Variants in SEMA3C observed in about 807,000 individuals in gnomAD.
SEMA3C encodes semaphorin 3C, also known as semaphorin-3C.
A neutral mutation model predicts 89.4 loss-of-function variants in SEMA3C; 47 were observed. The observed-to-expected ratio is 0.53, with a 90% CI of 0.42 to 0.67. The LOEUF (loss-of-function observed/expected upper bound fraction) is 0.67, where lower values mean the gene tolerates loss of function less well. SEMA3C is among the 30% of genes least tolerant of loss of function. The pLI, the probability that SEMA3C is intolerant of heterozygous loss-of-function variation, is 0.00. For missense variants in SEMA3C, 839 were observed against 929.1 expected (o/e 0.90, Z 1.26); for synonymous variants, 310 against 320.2 (o/e 0.97, Z 0.34).
At chr7:80,783,241 AT>A (rs1251620439) in intron 12 of SEMA3C, among the ~76,000 whole-genome samples, 1 of 152,104 alleles carries the variant, frequency 6.6e-6, no homozygotes, top group Non-Finnish European at 1.5e-5. Flanking sequence ...CTAGATTAGC[AT>A]TCACTCAGGG....
At chr7:80,795,527 C>A (rs1789041930) in intron 11 of SEMA3C, among the ~76,000 whole-genome samples, 1 of 152,168 alleles carries the variant, frequency 6.6e-6, no homozygotes, top group Admixed American at 6.5e-5. Context: ...CTCTACACTG[C>A]TTTGGAACAG....
At chr7:80,910,590 T>C (rs1427450487) in intron 2 of SEMA3C, among the ~76,000 whole-genome samples, 3 of 151,634 alleles carry the variant, frequency 2.0e-5, no homozygotes, top group South Asian at 2.1e-4. Context: ...TAAATGAAAA[T>C]GCAGAAGGCA....
intron 2 of SEMA3C, among the ~76,000 whole-genome samples, chr7:80,844,151 C>T (rs188142177): frequency 1.5e-3 from 235 of 152,168 alleles, no homozygotes; most frequent in African/African-American, 5.3e-3. Flanking sequence ...ACTTGGTCTC[C>T]ATCACTTTTC....
intron 4 of SEMA3C, among the ~76,000 whole-genome samples, chr7:80,818,734 T>C (rs920322676): frequency 1.3e-5 from 2 of 152,228 alleles, no homozygotes; most frequent in African/African-American, 2.4e-5. Flanking sequence ...CATTCAAAGC[T>C]GTCCTGGGTT....
At chr7:80,758,610 T>C (rs1788119415) in intron 14 of SEMA3C, 122 bp from the exon 15 acceptor site, 1 of 1,005,846 alleles carries the variant, frequency 9.9e-7, no homozygotes, top group Non-Finnish European at 1.5e-6. Context: ...ATTAAAAACA[T>C]GAAGCAAAGC....
chr7:80,747,613 C>T (rs1259740630), intron 17 of SEMA3C, among the ~76,000 whole-genome samples: 1 of 152,074 alleles, frequency 6.6e-6, no homozygotes, highest in Non-Finnish European at 1.5e-5. Context: ...TAATCCATAT[C>T]CATTCAAAAT....
upstream of SEMA3C, chr7:80,919,499 C>G (rs1452128070): frequency 6.6e-6 from 3 of 454,344 alleles, no homozygotes; most frequent in Non-Finnish European, 5.8e-6. Context: ...ATCACTGCAG[C>G]CTTTTAAGGC....
intron 4 of SEMA3C, among the ~76,000 whole-genome samples, chr7:80,824,884 C>T (rs554199159): frequency 1.3e-5 from 2 of 152,174 alleles, no homozygotes; most frequent in Non-Finnish European, 2.9e-5. Context: ...TGGCGTGTTC[C>T]ATTAAATGTT....
At position 80,744,985 on chromosome 7, in the gene SEMA3C, G is replaced by A; in HGVS notation, c.2165C>T (p.Ser722Leu). The A allele has an allele frequency of 6.2e-7, 1 of 1,614,048 alleles. No individual in the cohort carries two copies. The highest frequency in any genetic ancestry group is 1.6e-4 in the Middle Eastern group (1 of 6,062). ...TRQQHQQGDE[S>L]QKMRGDYGKL... ...GCCATAGTCCCCTCTCATTTTCTGTGATTCATCTCCCTGCTGATGTTGCTG... is the reference window on the plus strand; with the variant it reads ...GCCATAGTCCCCTCTCATTTTCTGTAATTCATCTCCCTGCTGATGTTGCTG... The change falls in exon 18 of 18, where the codon TCA becomes TTA. Residue 722 changes from serine to leucine, a missense_variant. By Grantham distance (145) the Ser-to-Leu change is moderately radical. Transcript: ENST00000265361.
intron 9 of SEMA3C, among the ~76,000 whole-genome samples, chr7:80,801,725 C>T (rs1287863523): frequency 1.3e-5 from 2 of 151,626 alleles, no homozygotes; most frequent in African/African-American, 4.8e-5. Flanking sequence ...ATGTCTAGCT[C>T]TCCCTAAAAA....
At chr7:80,819,962 T>C (rs1023316945) in intron 4 of SEMA3C, among the ~76,000 whole-genome samples, 22 of 151,662 alleles carry the variant, frequency 1.5e-4, no homozygotes, top group South Asian at 8.3e-4. Context: ...TAAAAAACTA[T>C]AAAGAAAGAC....
intron 5 of SEMA3C, chr7:80,815,941 A>C (rs183262534): frequency 6.6e-6 from 1 of 152,302 alleles, no homozygotes; most frequent in East Asian, 1.9e-4. Flanking sequence ...AAAATTAACC[A>C]ATCACCATTT....
intron 16 of SEMA3C, 86 bp from the exon 17 acceptor site, chr7:80,749,114 T>C: frequency 7.6e-7 from 1 of 1,318,470 alleles, no homozygotes; most frequent in Non-Finnish European, 1.0e-6. Context: ...GCTATATACA[T>C]GTTTATTTTT....
intron 2 of SEMA3C, among the ~76,000 whole-genome samples, chr7:80,863,832 G>GATATATATGTGATATGTGATATGT (rs1790844256): frequency 9.9e-6 from 1 of 100,776 alleles, no homozygotes; most frequent in East Asian, 3.1e-4. Context: ...TGTGATATGT[G>GATATATATGTGATATGTGATATGT]ATATATATAT....
intron 2 of SEMA3C, among the ~76,000 whole-genome samples, chr7:80,865,604 A>G (rs1382358021): frequency 6.6e-6 from 1 of 152,112 alleles, no homozygotes; most frequent in East Asian, 1.9e-4. Context: ...CCTGGCCAAC[A>G]TGGCGAAACC....
intron 12 of SEMA3C, among the ~76,000 whole-genome samples, chr7:80,773,662 G>C (rs1458020128): frequency 6.6e-6 from 1 of 152,142 alleles, no homozygotes; most frequent in African/African-American, 2.4e-5. Context: ...TAAGCATGGT[G>C]GTCCCACTAA....
chr7:80,759,673 CAT>C (rs1788140766), intron 14 of SEMA3C, among the ~76,000 whole-genome samples: 1 of 152,160 alleles, frequency 6.6e-6, no homozygotes, highest in Non-Finnish European at 1.5e-5. Context: ...ACTAGCAATA[CAT>C]GTTTTCAATT....
intron 11 of SEMA3C, among the ~76,000 whole-genome samples, chr7:80,794,223 C>G (rs745861292): frequency 8.6e-5 from 13 of 151,958 alleles, no homozygotes; most frequent in Non-Finnish European, 1.5e-4. Flanking sequence ...CTTCCTTACT[C>G]AATTTATCCA....
chr7:80,871,529 T>C (rs1048735197), intron 2 of SEMA3C, among the ~76,000 whole-genome samples: 1 of 152,230 alleles, frequency 6.6e-6, no homozygotes, highest in Non-Finnish European at 1.5e-5. Context: ...CTCGAGGTGC[T>C]GAAGGGTATT....
Sources: gnomAD v4.1 joint callset for allele counts (sites outside exome capture counted in the v4.1 genomes callset) on GRCh38, gnomAD v4.1.1 for gene constraint, MANE v1.5 for transcripts, NCBI Gene and HGNC (gene_info 2026-07-23, HGNC 2026-07-21) for gene names.